The following RARB variants were observed in gnomAD, a reference collection of about 807,000 sequenced individuals.
RARB encodes HBV-activated protein.
RARB carries 17 observed loss-of-function variants against 51.9 expected under a neutral mutation model. The observed-to-expected ratio is 0.33, with a 90% CI of 0.22 to 0.49. The LOEUF (loss-of-function observed/expected upper bound fraction) is 0.49. Ranked by LOEUF, RARB falls within the 20% of genes least tolerant of loss-of-function variation. RARB has a pLI of 0.99. For missense variants in RARB, 369 were observed against 550.8 expected, an observed-to-expected ratio of 0.67 and a Z score of 3.30; for synonymous variants, 215 against 195.4, an observed-to-expected ratio of 1.10 and a Z score of -0.84.
intron 2 of RARB, among the ~76,000 whole-genome samples, chr3:25,468,544 C>T (rs1402368953): frequency 8.5e-6 from 1 of 117,080 alleles, no homozygotes. Flanking sequence ...GGATTCAAAT[C>T]CTTTTCCTGT....
intron 2 of RARB, among the ~76,000 whole-genome samples, chr3:25,021,539 G>A (rs1697636366): frequency 6.6e-6 from 1 of 151,980 alleles, no homozygotes; most frequent in South Asian, 2.1e-4. Context: ...AGTCCTTCAG[G>A]GCAGTGGTTT....
intron 2 of RARB, among the ~76,000 whole-genome samples, chr3:24,881,585 TAAAAAC>T (rs1703167906): frequency 6.6e-6 from 1 of 152,120 alleles, no homozygotes; most frequent in Admixed American, 6.6e-5. Flanking sequence ...TAATGAAAAA[TAAAAAC>T]AGATTACCTA....
chr3:24,969,603 A>T (rs1281325721), intron 2 of RARB, among the ~76,000 whole-genome samples: 1 of 152,128 alleles, frequency 6.6e-6, no homozygotes, highest in African/African-American at 2.4e-5. Flanking sequence ...CAGAGCTTAG[A>T]TACTTATGTC....
At chr3:25,020,454 TC>T (rs1697610080) in intron 2 of RARB, 1 of 152,110 alleles carries the variant, frequency 6.6e-6, no homozygotes, top group Admixed American at 6.5e-5. Context: ...CAGGTGCACC[TC>T]TATAAAGCAT....
chr3:25,372,202 T>C (rs2125472767), intron 5 of RARB, among the ~76,000 whole-genome samples: 1 of 152,358 alleles, frequency 6.6e-6, no homozygotes, highest in African/African-American at 2.4e-5. Context: ...TAAATGGTTG[T>C]CTTTCAGCCT....
At chr3:25,576,389 T>C (rs1287910863) in intron 4 of RARB, among the ~76,000 whole-genome samples, 2 of 152,186 alleles carry the variant, frequency 1.3e-5, no homozygotes, top group African/African-American at 4.8e-5. Context: ...TCGTGGCCCC[T>C]TCCAGCAGCT....
At chr3:25,571,265 C>T (rs542115416) in intron 4 of RARB, among the ~76,000 whole-genome samples, 1 of 152,344 alleles carries the variant, frequency 6.6e-6, no homozygotes, top group African/African-American at 2.4e-5. Flanking sequence ...ACTCAGCGTG[C>T]ATCTGAAGCA....
At chr3:25,061,846 C>T (rs1698557923) in intron 3 of RARB, among the ~76,000 whole-genome samples, 1 of 151,688 alleles carries the variant, frequency 6.6e-6, no homozygotes, top group African/African-American at 2.4e-5. Flanking sequence ...GAAAAAAGAA[C>T]TTACCCAACT....
intron 5 of RARB, among the ~76,000 whole-genome samples, chr3:25,242,095 A>G (rs1488065020): frequency 1.3e-5 from 2 of 152,080 alleles, no homozygotes; most frequent in Non-Finnish European, 2.9e-5. Flanking sequence ...TTTTTTGGCC[A>G]CATAAATGTC....
chr3:25,426,522 G>C (rs918167763), upstream of RARB, among the ~76,000 whole-genome samples: 1 of 152,234 alleles, frequency 6.6e-6, no homozygotes, highest in Non-Finnish European at 1.5e-5. Flanking sequence ...TTTCAGCATG[G>C]GGTGGGGTGC....
chr3:25,179,651 G>T (rs1345419296), intron 5 of RARB, among the ~76,000 whole-genome samples: 4 of 152,268 alleles, frequency 2.6e-5, no homozygotes, highest in Admixed American at 2.6e-4. Flanking sequence ...GAGGTCAAAG[G>T]CTTTGAATGT....
chr3:25,206,957 G>T (rs151089932), intron 5 of RARB, among the ~76,000 whole-genome samples: 1 of 152,170 alleles, frequency 6.6e-6, no homozygotes, highest in Non-Finnish European at 1.5e-5. Flanking sequence ...TGAATTTTAT[G>T]AAAGTGGGGA....
intron 2 of RARB, among the ~76,000 whole-genome samples, chr3:24,912,238 A>G (rs1390086532): frequency 2.0e-5 from 3 of 152,204 alleles, no homozygotes; most frequent in South Asian, 2.1e-4. Context: ...CATCAGGCAT[A>G]CAAGGTACGA....
intron 2 of RARB, among the ~76,000 whole-genome samples, chr3:24,911,063 T>G (rs1694980637): frequency 1.3e-5 from 2 of 152,346 alleles, no homozygotes; most frequent in South Asian, 4.1e-4. Context: ...ATATTTTATT[T>G]TATGACACCT....
rs751190061 is a variant in RARB at position 25,146,492 on chromosome 3, G to GTTTTTTT, written c.-280+14290_-280+14291insTTTTTTT. On this transcript the variant is annotated intron_variant, in intron 4 of 11. Coordinates refer to the RARB transcript ENST00000383772. The stretch of plus-strand genomic sequence containing the variant: ...CAGCCTGCAGGCTATAATTTGCTAA[G>GTTTTTTT]TTTTTTGTTTGTTTGTTTGTTTTTT... 4.0e-4 allele frequency among the ~76,000 whole-genome samples: 50 copies of GTTTTTTT among 126,318 alleles called. 2 individuals carry two copies. The highest frequency in any genetic ancestry group is 1.4e-3 in the South Asian group (6 of 4,174). 82.9% of individuals were successfully genotyped at this position (126,318 alleles called of 152,430 possible). A position where few individuals can be genotyped will look rare whatever the true frequency, so the allele number is the denominator to read the frequency against.
At chr3:24,897,698 G>T (rs564751188) in intron 2 of RARB, among the ~76,000 whole-genome samples, 1 of 150,394 alleles carries the variant, frequency 6.6e-6, no homozygotes, top group African/African-American at 2.4e-5. Flanking sequence ...AAACCAGAGT[G>T]CCTTCTGTCC....
chr3:25,001,165 T>G (rs77547713), intron 2 of RARB, among the ~76,000 whole-genome samples: 4,171 of 152,076 alleles, frequency 0.027, 142 homozygotes, highest in East Asian at 0.12. Context: ...TCATCTTAAG[T>G]AGATGAGACA....
intron 3 of RARB, among the ~76,000 whole-genome samples, chr3:25,080,380 C>T (rs144095230): frequency 6.6e-6 from 1 of 152,284 alleles, no homozygotes; most frequent in African/African-American, 2.4e-5. Context: ...TTGAATAATG[C>T]TGCTATGAAC....
intron 2 of RARB, among the ~76,000 whole-genome samples, chr3:24,929,589 A>G (rs565092677): frequency 3.5e-4 from 53 of 152,246 alleles, no homozygotes; most frequent in African/African-American, 1.3e-3. Context: ...GAGTCTCCTT[A>G]CGTAATTATA....
Sources: gnomAD v4.1 joint callset for allele counts (sites outside exome capture counted in the v4.1 genomes callset) on GRCh38, gnomAD v4.1.1 for gene constraint, MANE v1.5 for transcripts, NCBI Gene and HGNC (gene_info 2026-07-23, HGNC 2026-07-21) for gene names.